Variants in MARS1 observed in about 807,000 individuals in gnomAD.
MARS1 encodes methionine--tRNA ligase, cytoplasmic.
A neutral mutation model predicts 119.5 loss-of-function variants in MARS1; 80 were observed. The observed-to-expected ratio is 0.67, with a 90% CI of 0.56 to 0.81. The LOEUF is 0.81. MARS1 is among the 30% of genes least tolerant of loss of function. MARS1 has a pLI of 0.00. For synonymous variants in MARS1, 418 were observed against 433.4 expected (o/e 0.96, Z 0.44); for missense variants, 945 against 1,116.5 (o/e 0.85, Z 2.19).
In MARS1 at chr12:57,512,810, G is replaced by T; in HGVS notation, c.1813G>T (p.Asp605Tyr). ...GAGCCGCGGTGTGGGAGTGTTTGGG[G>T]ACATGGCCCAGGACACGGGGATCCC... ...SKSRGVGVFG[D>Y]MAQDTGIPAD... Residue 605 changes from aspartate to tyrosine, a missense_variant, in exon 15 of 21, where the codon GAC (aspartate) becomes TAC (tyrosine). Asp to Tyr is a radical substitution (Grantham distance 160). Coordinates refer to ENST00000262027, the MANE Select transcript of MARS1 (RefSeq NM_004990.4). 6.2e-7 allele frequency: 1 copy of T among 1,614,192 alleles called. No homozygotes were observed. The highest frequency in any genetic ancestry group is 8.5e-7 in the Non-Finnish European group (1 of 1,180,048).
intron 10 of MARS1, among the ~76,000 whole-genome samples, chr12:57,502,749 C>T (rs1401606137): frequency 6.8e-6 from 1 of 147,984 alleles, no homozygotes; most frequent in Non-Finnish European, 1.5e-5. Context: ...AAAAACAAGC[C>T]AGGCACGGTG....
intron 7 of MARS1, among the ~76,000 whole-genome samples, chr12:57,494,849 C>G (rs1312110191): frequency 6.6e-6 from 1 of 152,110 alleles, no homozygotes; most frequent in African/African-American, 2.4e-5. Context: ...AACAGCATCC[C>G]AAGGCAGAAG....
At position 57,498,640 on chromosome 12, in the gene MARS1, G is replaced by T; in HGVS notation, c.1091+17G>T. ...GCAGACCAAGTAAGTTTCCTCTAAT[G>T]AGGCAGAAATGGGGCTTGAAGGCTG... On this transcript the variant is annotated intron_variant, in intron 9 of 20. Coordinates refer to ENST00000262027, the MANE Select transcript of MARS1 (RefSeq NM_004990.4). 1.2e-6 allele frequency: 2 copies of T among 1,611,536 alleles called. No homozygotes were observed. The highest frequency in any genetic ancestry group is 1.7e-4 in the Middle Eastern group (1 of 6,054).
At chr12:57,515,545 C>G in intron 18 of MARS1, 1 of 595,754 alleles carries the variant, frequency 1.7e-6, no homozygotes, top group South Asian at 2.1e-5. Flanking sequence ...ACCTGGCACA[C>G]AAAACTAACT....
At chr12:57,492,669 T>TTA (rs1876039122) in intron 7 of MARS1, among the ~76,000 whole-genome samples, 1 of 139,446 alleles carries the variant, frequency 7.2e-6, no homozygotes, top group East Asian at 2.1e-4. Context: ...CGACTCCATT[T>TTA]CACACACACA....
chr12:57,511,850 A>C lies in MARS1; in HGVS notation c.1521A>C (p.Leu507Phe). 6.2e-7 allele frequency: 1 copy of C among 1,614,156 alleles called. No homozygotes were observed. The highest frequency in any genetic ancestry group is 1.3e-5 in the African/African-American group (1 of 75,056). Residue 507 changes from leucine (L) to phenylalanine (F), a missense_variant, in exon 12 of 21, where the codon TTA (leucine) becomes TTC (phenylalanine). Physicochemically the swap from Leu to Phe is conservative, Grantham distance 22. Coordinates refer to ENST00000262027, the MANE Select transcript of MARS1 (RefSeq NM_004990.4). ...TCAAATGGGGAACCCCTGTACCCTT[A>C]GAAGGTTTTGAAGACAAGGTAAAAA... ...RDLKWGTPVPLEGFEDKVFYV... is the reference protein window; with the variant it reads ...RDLKWGTPVPFEGFEDKVFYV...
At chr12:57,488,828 T>G (rs530904414) in intron 1 of MARS1, 191 bp from the exon 2 acceptor site, 1 of 779,940 alleles carries the variant, frequency 1.3e-6, no homozygotes, top group Non-Finnish European at 2.1e-6. Context: ...CAGTTTCAGC[T>G]GAACACCTGC....
At chr12:57,488,294 G>T in intron 1 of MARS1, 95 bp downstream of exon 1, 2 of 1,158,058 alleles carry the variant, frequency 1.7e-6, no homozygotes, top group Non-Finnish European at 1.3e-6. Flanking sequence ...CCTAGCCCTC[G>T]CCACACACCC....
At chr12:57,506,229 A>ATT (rs910576521) in intron 11 of MARS1, among the ~76,000 whole-genome samples, 3 of 152,194 alleles carry the variant, frequency 2.0e-5, no homozygotes, top group African/African-American at 4.8e-5. Flanking sequence ...ATTGCACTGC[A>ATT]GCTTGGGTGA....
chr12:57,488,230 TG>T (rs766598952), intron 1 of MARS1, 31 bp downstream of exon 1: 19 of 1,584,320 alleles, frequency 1.2e-5, no homozygotes, highest in African/African-American at 6.7e-5. Context: ...GGGCGGTGGA[TG>T]GGGGGGCGGG....
intron 1 of MARS1, 32 bp downstream of exon 1, chr12:57,488,231 G>T (rs1324874832): frequency 2.5e-6 from 4 of 1,578,008 alleles, no homozygotes; most frequent in East Asian, 2.2e-5. Flanking sequence ...GGCGGTGGAT[G>T]GGGGGGCGGG....
chr12:57,491,772 G>GT (rs1240435082), intron 7 of MARS1, among the ~76,000 whole-genome samples: 1 of 152,016 alleles, frequency 6.6e-6, no homozygotes, highest in Non-Finnish European at 1.5e-5. Context: ...TACATACGCA[G>GT]TTTTTTCCGT....
At chr12:57,504,586 C>CT (rs1349828171) in intron 11 of MARS1, among the ~76,000 whole-genome samples, 3 of 151,258 alleles carry the variant, frequency 2.0e-5, no homozygotes, top group Non-Finnish European at 1.5e-5. Context: ...GCTTCTCACT[C>CT]TGTCACCTAA....
At chr12:57,505,225 G>A (rs775407323) in intron 11 of MARS1, among the ~76,000 whole-genome samples, 1 of 150,254 alleles carries the variant, frequency 6.7e-6, no homozygotes, top group East Asian at 2.0e-4. Flanking sequence ...GCAATGGCAC[G>A]GTCTCGGCTC....
At chr12:57,512,154 T>A (rs373936869) in intron 13 of MARS1, 51 bp downstream of exon 13, 1 of 1,601,884 alleles carries the variant, frequency 6.2e-7, no homozygotes, top group South Asian at 1.1e-5. Flanking sequence ...CGGTAGGGTG[T>A]GGGTGTTAGG....
Position 57,504,230 on chromosome 12 carries a change from TCA to T in MARS1, c.1300_1301del (p.Gln434ValfsTer2). ...TCTGGAATTTTCCTTCGCAGAAGCC[TCA>T]GTGTAAAGTCTGCCGATCATGCCCT... Reference protein sequence around the residue: ...LINAVELKKPQCKVCRSCPVV... With the variant: ...LINAVELKKPXCKVCRSCPVV... On this transcript the variant is annotated frameshift_variant, in exon 11 of 21. Transcript: ENST00000262027. LOFTEE classifies it high-confidence loss of function. 6.2e-7 allele frequency: 1 copy of T among 1,613,920 alleles called. No homozygotes were observed. The highest frequency in any genetic ancestry group is 1.7e-4 in the Middle Eastern group (1 of 6,060).
intron 7 of MARS1, among the ~76,000 whole-genome samples, chr12:57,494,092 A>T (rs1876448603): frequency 6.9e-6 from 1 of 145,032 alleles, no homozygotes; most frequent in Non-Finnish European, 1.5e-5. Flanking sequence ...AGTAGCTGGG[A>T]TTACAGGTGC....
rs1877717622 is a variant in MARS1, at chr12:57,515,011, T to G, written c.2157T>G (p.Ile719Met). The G allele has an allele frequency of 1.2e-6, 2 of 1,614,020 alleles. No individual in the cohort carries two copies. The highest frequency in any genetic ancestry group is 1.7e-6 in the Non-Finnish European group (2 of 1,180,042). The change falls in exon 17 of 21, where the codon ATT becomes ATG. Residue 719 changes from isoleucine to methionine, a missense_variant. Transcript: ENST00000262027. ...LTISRHGNQY[I>M]QVNEPWKRIK... ...TATCTCGACATGGCAACCAATATAT[T>G]CAGGTGAATGAGCCCTGGAAGCGGA...
intron 7 of MARS1, among the ~76,000 whole-genome samples, chr12:57,493,700 T>TAATACA: frequency 9.1e-5 from 1 of 10,936 alleles, no homozygotes. Flanking sequence ...ATATTATATA[T>TAATACA]TATAATATAT....
Sources: allele counts gnomAD v4.1 joint callset (sites outside exome capture counted in the v4.1 genomes callset), GRCh38; gene constraint gnomAD v4.1.1; transcripts MANE v1.5; gene names NCBI Gene and HGNC (gene_info 2026-07-23, HGNC 2026-07-21).